TRDN: variants seen among roughly 807,000 people sequenced by gnomAD.
TRDN encodes the protein triadin in skeletal muscle.
TRDN carries 161 observed loss-of-function variants against 149.7 expected under a neutral mutation model. The ratio of observed to expected loss-of-function variants is 1.08; its 90% CI spans 0.95 to 1.23. The LOEUF (loss-of-function observed/expected upper bound fraction) is 1.23, where lower values mean the gene tolerates loss of function less well. Ranked by LOEUF, TRDN falls within the 50% of genes most tolerant of loss-of-function variation. The pLI is 0.00. For missense variants in TRDN, 896 were observed against 823.5 expected (o/e 1.09, Z -1.08); for synonymous variants, 294 against 250.5 (o/e 1.17, Z -1.64).
intron 22 of TRDN, among the ~76,000 whole-genome samples, chr6:123,332,143 A>G (rs1009629040): frequency 2.0e-5 from 3 of 152,078 alleles, no homozygotes; most frequent in Non-Finnish European, 2.9e-5. Context: ...TGGCACAAAC[A>G]TAAGTTGTTC....
chr6:123,458,856 T>G (rs1349109191), intron 10 of TRDN, among the ~76,000 whole-genome samples: 3 of 147,016 alleles, frequency 2.0e-5, no homozygotes, highest in Non-Finnish European at 4.6e-5. Context: ...GAAATATTTC[T>G]GTGATTAAAA....
intron 1 of TRDN, among the ~76,000 whole-genome samples, chr6:123,593,142 A>T (rs1489352135): frequency 6.6e-6 from 1 of 152,244 alleles, no homozygotes; most frequent in East Asian, 1.9e-4. Context: ...TTTTCATAAG[A>T]AAACTACAAT....
rs144175003 is a variant in TRDN, at chr6:123,622,040, G to C, written c.22+14714C>G. ...TACGTGAGAATCTTTTTAAATGAAAGTTATAGTGCATATGCCTGGCTCTCT... is the reference window on the plus strand; with the variant it reads ...TACGTGAGAATCTTTTTAAATGAAACTTATAGTGCATATGCCTGGCTCTCT... On this transcript the variant is annotated intron_variant, in intron 1 of 40. Coordinates refer to ENST00000334268, the MANE Select transcript of TRDN (RefSeq NM_006073.4). 1.6e-4 allele frequency among the ~76,000 whole-genome samples: 25 copies of C among 152,140 alleles called. No homozygotes were observed. In the South Asian group the frequency reaches 3.1e-3, roughly 19 times the overall value.
At chr6:123,236,786 A>G (rs1424882558) in intron 38 of TRDN, among the ~76,000 whole-genome samples, 1 of 152,138 alleles carries the variant, frequency 6.6e-6, no homozygotes, top group Non-Finnish European at 1.5e-5. Context: ...TTAACACTAC[A>G]TTGATCTATG....
At chr6:123,368,138 G>C (rs771260953) in intron 19 of TRDN, among the ~76,000 whole-genome samples, 2 of 152,156 alleles carry the variant, frequency 1.3e-5, no homozygotes, top group Non-Finnish European at 2.9e-5. Context: ...GAGAATGCTT[G>C]TTTTTCCATC....
intron 9 of TRDN, among the ~76,000 whole-genome samples, chr6:123,483,897 A>AGG (rs1243227943): frequency 1.3e-5 from 2 of 152,208 alleles, no homozygotes; most frequent in Non-Finnish European, 2.9e-5. Context: ...TGGAACAATT[A>AGG]TTAGTGCTAT....
At chr6:123,279,223 A>G (rs1777494038) in intron 24 of TRDN, 141 bp from the exon 25 acceptor site, 1 of 677,488 alleles carries the variant, frequency 1.5e-6, no homozygotes, top group Admixed American at 3.4e-5. Context: ...GAAATTCTAT[A>G]GAATGTGTAA....
chr6:123,374,767 C>T (rs541860275), intron 19 of TRDN, among the ~76,000 whole-genome samples: 5 of 145,144 alleles, frequency 3.4e-5, no homozygotes, highest in Non-Finnish European at 6.0e-5. Flanking sequence ...GAGAAAGACT[C>T]CATCAAAAAA....
At chr6:123,286,483 G>A (rs1777808732) in intron 24 of TRDN, among the ~76,000 whole-genome samples, 1 of 151,922 alleles carries the variant, frequency 6.6e-6, no homozygotes, top group African/African-American at 2.4e-5. Context: ...CTATGAGGAT[G>A]CAATGGCATA....
intron 1 of TRDN, among the ~76,000 whole-genome samples, chr6:123,585,003 T>C (rs1783378414): frequency 6.6e-6 from 1 of 151,974 alleles, no homozygotes; most frequent in Non-Finnish European, 1.5e-5. Context: ...GATAACAGGC[T>C]TTAATCCTTT....
At chr6:123,396,371 T>G (rs1482532406) in intron 12 of TRDN, among the ~76,000 whole-genome samples, 1 of 152,224 alleles carries the variant, frequency 6.6e-6, no homozygotes, top group Non-Finnish European at 1.5e-5. Flanking sequence ...CATATTCTAA[T>G]GAAAATTTCA....
At chr6:123,521,094 C>A (rs2114283003) in intron 5 of TRDN, among the ~76,000 whole-genome samples, 1 of 152,246 alleles carries the variant, frequency 6.6e-6, no homozygotes, top group Admixed American at 6.5e-5. Context: ...TGACTCCAAT[C>A]CTGCAATTGT....
chr6:123,289,911 T>C (rs1260205191), intron 24 of TRDN, among the ~76,000 whole-genome samples: 1 of 152,134 alleles, frequency 6.6e-6, no homozygotes, highest in Non-Finnish European at 1.5e-5. Flanking sequence ...TGACTATCCC[T>C]GGTGAGAGAC....
Position 123,377,914 on chromosome 6 carries a change from ATTG to A in TRDN, c.1187-19_1187-17del. The stretch of plus-strand genomic sequence containing the variant: ...TTTTCCTGTTCTGAAACATATTATT[ATTG>A]TTATTATTATTATCGTTATTATTCT... On this transcript the variant is annotated splice_polypyrimidine_tract_variant and intron_variant, in intron 16 of 40. Coordinates refer to ENST00000334268, the MANE Select transcript of TRDN (RefSeq NM_006073.4). 2.1e-6 allele frequency: 3 copies of A among 1,409,588 alleles called. No individual in the cohort carries two copies. Among genetic ancestry groups the A allele is most frequent in the Non-Finnish European group, 2.9e-6 (3 of 1,036,276 alleles). The allele number at this position is 1,409,588 out of a possible 1,614,324, so 87.3% of individuals were successfully genotyped here. A position where few individuals can be genotyped will look rare whatever the true frequency, so the allele number is the denominator to read the frequency against.
At chr6:123,292,929 A>G (rs1266965759) in intron 24 of TRDN, among the ~76,000 whole-genome samples, 1 of 152,158 alleles carries the variant, frequency 6.6e-6, no homozygotes, top group Non-Finnish European at 1.5e-5. Flanking sequence ...ATCCCTTGGG[A>G]AACATCTCTT....
At chr6:123,268,517 C>T (rs1582801877) in intron 31 of TRDN, among the ~76,000 whole-genome samples, 1 of 152,064 alleles carries the variant, frequency 6.6e-6, no homozygotes, top group East Asian at 1.9e-4. Flanking sequence ...GAGTAGGACT[C>T]TGGAACAGAC....
At chr6:123,573,012 G>A (rs1337294671) in intron 1 of TRDN, among the ~76,000 whole-genome samples, 1 of 152,024 alleles carries the variant, frequency 6.6e-6, no homozygotes, top group Non-Finnish European at 1.5e-5. Context: ...TTGAAGACAG[G>A]GTGGAATTAA....
At chr6:123,497,495 G>A (rs574760274) in intron 8 of TRDN, among the ~76,000 whole-genome samples, 1 of 152,176 alleles carries the variant, frequency 6.6e-6, no homozygotes, top group South Asian at 2.1e-4. Flanking sequence ...CTAGTTCAGG[G>A]TAATCTTATA....
At chr6:123,466,563 AGC>A (rs1776828483) in intron 9 of TRDN, among the ~76,000 whole-genome samples, 1 of 151,598 alleles carries the variant, frequency 6.6e-6, no homozygotes, top group Non-Finnish European at 1.5e-5. Context: ...CCATGACTAT[AGC>A]TGACGAGGGA....
Sources: allele counts gnomAD v4.1 joint callset (sites outside exome capture counted in the v4.1 genomes callset), GRCh38; gene constraint gnomAD v4.1.1; transcripts MANE v1.5; gene names NCBI Gene and HGNC (gene_info 2026-07-23, HGNC 2026-07-21).